Variants in TNNI3K observed in about 807,000 individuals in gnomAD.
TNNI3K encodes the protein serine/threonine-protein kinase TNNI3K.
TNNI3K carries 140 observed loss-of-function variants against 114.5 expected under a neutral mutation model. That is an observed-to-expected ratio of 1.22 (90% CI 1.07 to 1.41). TNNI3K has a LOEUF of 1.41. Ranked by LOEUF, TNNI3K falls within the 40% of genes most tolerant of loss-of-function variation. The pLI is 0.00. For missense variants in TNNI3K, 1,125 were observed against 1,007.6 expected (o/e 1.12, Z -1.58); for synonymous variants, 347 against 347.5 (o/e 1.00, Z 0.02).
At chr1:74,479,621 C>A (rs1210079203) in intron 21 of TNNI3K, among the ~76,000 whole-genome samples, 1 of 152,202 alleles carries the variant, frequency 6.6e-6, no homozygotes, top group African/African-American at 2.4e-5. Context: ...CATACAAACA[C>A]TGCAGACTAA....
At chr1:74,481,859 G>A (rs1422038977) in intron 21 of TNNI3K, among the ~76,000 whole-genome samples, 2 of 152,160 alleles carry the variant, frequency 1.3e-5, no homozygotes, top group African/African-American at 2.4e-5. Context: ...GTCACTGGGA[G>A]GTCTATAGGT....
At chr1:74,401,578 T>C (rs1257046560) in intron 17 of TNNI3K, among the ~76,000 whole-genome samples, 7 of 152,358 alleles carry the variant, frequency 4.6e-5, no homozygotes, top group Admixed American at 3.3e-4. Context: ...GAATATTTAA[T>C]GAGCTACAGA....
intron 17 of TNNI3K, chr1:74,375,391 T>G (rs1662855115): frequency 3.8e-6 from 1 of 262,816 alleles, no homozygotes; most frequent in African/African-American, 2.2e-5. Flanking sequence ...CAAACCTCTT[T>G]CCTGCCTGGG....
At chr1:74,361,165 T>C (rs952413792) in intron 11 of TNNI3K, among the ~76,000 whole-genome samples, 1 of 152,118 alleles carries the variant, frequency 6.6e-6, no homozygotes, top group Non-Finnish European at 1.5e-5. Flanking sequence ...AGGCAAAATA[T>C]TTTAAAATAT....
chr1:74,302,870 T>A (rs1009426665), intron 5 of TNNI3K, among the ~76,000 whole-genome samples: 2 of 152,198 alleles, frequency 1.3e-5, no homozygotes, highest in Admixed American at 1.3e-4. Context: ...CTGGTTAAGA[T>A]AAGTGATGAA....
chr1:74,304,215 T>C (rs960522475), intron 5 of TNNI3K, among the ~76,000 whole-genome samples: 3 of 152,228 alleles, frequency 2.0e-5, no homozygotes, highest in Admixed American at 2.0e-4. Context: ...CTATTGAACA[T>C]CGTTTGCTAC....
At chr1:74,336,282 A>G (rs1660458890) in intron 7 of TNNI3K, 133 bp downstream of exon 7, 3 of 1,150,040 alleles carry the variant, frequency 2.6e-6, no homozygotes, top group Admixed American at 3.8e-5. Flanking sequence ...TCCACAAGTC[A>G]TAATTCATCT....
At chr1:74,335,927 GC>G in intron 6 of TNNI3K, 83 bp from the exon 7 acceptor site, 1 of 1,445,550 alleles carries the variant, frequency 6.9e-7, no homozygotes, top group Admixed American at 2.8e-5. Context: ...TGTGGTTTAA[GC>G]CAGTTGTGTT....
chr1:74,499,383 A>G lies in TNNI3K; in HGVS notation c.2351+7117A>G, dbSNP rs114296924. ...CTGGTCTCCTAAGGTTAAATGATTC[A>G]GCTTCCTAAAGTGCTGAGATTATAA... On this transcript the variant is annotated intron_variant, in intron 23 of 24. Coordinates refer to ENST00000326637, the MANE Select transcript of TNNI3K (RefSeq NM_015978.3). 9.1e-3 allele frequency among the ~76,000 whole-genome samples: 1,389 copies of G among 152,286 alleles called. 24 individuals carry two copies. Among genetic ancestry groups the G allele is most frequent in the African/African-American group, 0.032 (1,343 of 41,554 alleles).
intron 16 of TNNI3K, 38 bp downstream of exon 16, chr1:74,369,623 C>T (rs199807292): frequency 1.8e-5 from 27 of 1,526,016 alleles, no homozygotes; most frequent in Non-Finnish European, 1.8e-5. Context: ...TTGGACATTC[C>T]GTAGAAACTA....
At chr1:74,504,878 C>T (rs887130730) in intron 23 of TNNI3K, among the ~76,000 whole-genome samples, 1 of 152,196 alleles carries the variant, frequency 6.6e-6, no homozygotes, top group Admixed American at 6.5e-5. Flanking sequence ...GCATTTCCCT[C>T]TTCAAGCGTT....
chr1:74,522,645 T>C (rs1646449492), intron 23 of TNNI3K, among the ~76,000 whole-genome samples: 1 of 151,068 alleles, frequency 6.6e-6, no homozygotes, highest in Non-Finnish European at 1.5e-5. Flanking sequence ...TATGTGTGTG[T>C]GTGTGTGAGA....
intron 21 of TNNI3K, among the ~76,000 whole-genome samples, chr1:74,477,536 C>T (rs1223175519): frequency 1.3e-5 from 2 of 151,964 alleles, no homozygotes; most frequent in Non-Finnish European, 2.9e-5. Context: ...GTTAGTAGAC[C>T]AAATAATGAA....
chr1:74,539,448 T>C (rs552831620), intron 23 of TNNI3K, among the ~76,000 whole-genome samples: 1 of 152,218 alleles, frequency 6.6e-6, no homozygotes, highest in East Asian at 1.9e-4. Context: ...ACTGATGTAG[T>C]TAGATGCTAG....
Position 74,293,494 on chromosome 1 carries a change from G to T in TNNI3K, c.444+21786G>T, listed in dbSNP as rs527613669. Among the ~76,000 whole-genome samples the T allele has an allele frequency of 6.5e-4, 99 of 151,412 alleles. 1 individual carries two copies. Among genetic ancestry groups the T allele is most frequent in the African/African-American group, 2.3e-3 (97 of 41,424 alleles). On this transcript the variant is annotated intron_variant, in intron 5 of 24. Coordinates refer to ENST00000326637, the MANE Select transcript of TNNI3K (RefSeq NM_015978.3). Reference sequence around the variant, plus strand: ...ATTGGTAATTCTGTGATTTTTGATAGAACTATTTTTTAAATTTAAATTAAA... The same window carrying T: ...ATTGGTAATTCTGTGATTTTTGATATAACTATTTTTTAAATTTAAATTAAA...
chr1:74,331,351 C>A (rs1660193033), intron 5 of TNNI3K, 99 bp from the exon 6 acceptor site: 2 of 1,234,382 alleles, frequency 1.6e-6, no homozygotes, highest in Non-Finnish European at 2.2e-6. Context: ...TTTAGGGTGG[C>A]AACTCCTGAT....
At chr1:74,248,697 T>C (rs1222511680) in intron 2 of TNNI3K, among the ~76,000 whole-genome samples, 1 of 152,164 alleles carries the variant, frequency 6.6e-6, no homozygotes, top group Non-Finnish European at 1.5e-5. Flanking sequence ...AAACTTTCTC[T>C]CTGACCTTCT....
At chr1:74,495,076 T>G (rs1669259082) in intron 23 of TNNI3K, among the ~76,000 whole-genome samples, 1 of 152,206 alleles carries the variant, frequency 6.6e-6, no homozygotes, top group African/African-American at 2.4e-5. Flanking sequence ...TCAGCTTTTT[T>G]GAGATGCTCC....
chr1:74,317,908 A>G (rs1659405275), intron 5 of TNNI3K, among the ~76,000 whole-genome samples: 1 of 152,148 alleles, frequency 6.6e-6, no homozygotes, highest in African/African-American at 2.4e-5. Flanking sequence ...AACCCCCTGC[A>G]TATCTCTGCT....
Sources: allele counts gnomAD v4.1 joint callset (sites outside exome capture counted in the v4.1 genomes callset), GRCh38; gene constraint gnomAD v4.1.1; transcripts MANE v1.5; gene names NCBI Gene and HGNC (gene_info 2026-07-23, HGNC 2026-07-21).